The following GSE1 variants were observed in gnomAD, a reference collection of about 807,000 sequenced individuals.
GSE1 encodes genetic suppressor element 1.
In GSE1, 32 loss-of-function variants were observed where a neutral mutation model predicts 112.6. The ratio of observed to expected loss-of-function variants is 0.28; its 90% CI spans 0.21 to 0.38. The LOEUF (loss-of-function observed/expected upper bound fraction) is 0.38, where lower values mean the gene tolerates loss of function less well. GSE1 is among the 10% of genes least tolerant of loss of function. GSE1 has a pLI of 1.00. For missense variants in GSE1, 2,348 were observed against 1,699.2 expected (o/e 1.38, Z -6.71); for synonymous variants, 1,115 against 735.6 (o/e 1.52, Z -8.35).
chr16:85,654,759 C>A, intron 4 of GSE1, 35 bp from the exon 5 acceptor site: 2 of 1,401,120 alleles, frequency 1.4e-6, no homozygotes, highest in South Asian at 1.2e-5. Flanking sequence ...TGTGCACTCA[C>A]CTGTCCCCAC....
Position 85,331,702 on chromosome 16 carries a change from TATA to T in GSE1, c.2284-25760_2284-25758del, listed in dbSNP as rs1242627422. ...GTGTGTGTGTATATATATATATATA[TATA>T]TATTTTTTTTTTTTTTTTTTTTAGT... On this transcript the variant is annotated intron_variant, in intron 1 of 2. Transcript: ENST00000637419. Among the ~76,000 whole-genome samples the T allele has an allele frequency of 4.6e-3, 245 of 53,332 alleles. 14 individuals are homozygous for T. The highest frequency in any genetic ancestry group is 0.012 in the African/African-American group (194 of 15,972). 35.0% of individuals were successfully genotyped at this position (53,332 alleles called of 152,430 possible). A position where few individuals can be genotyped will look rare whatever the true frequency, so the allele number is the denominator to read the frequency against.
intron 2 of GSE1, among the ~76,000 whole-genome samples, chr16:85,422,083 C>T (rs1056642390): frequency 1.3e-5 from 2 of 152,164 alleles, no homozygotes; most frequent in Admixed American, 6.5e-5. Context: ...AAAAGCTGCA[C>T]CTCTGACCCA....
chr16:85,517,854 C>T (rs1309478197), intron 2 of GSE1, among the ~76,000 whole-genome samples: 2 of 152,270 alleles, frequency 1.3e-5, no homozygotes, highest in South Asian at 2.1e-4. Context: ...TGAAGAACGA[C>T]AAGCGGAGCC....
intron 1 of GSE1, among the ~76,000 whole-genome samples, chr16:85,192,722 C>T (rs532361400): frequency 2.5e-4 from 38 of 152,300 alleles, no homozygotes; most frequent in Non-Finnish European, 4.4e-4. Flanking sequence ...TGGCAGAGGG[C>T]GTGAGATCAG....
chr16:85,318,728 C>A (rs1463182798), intron 1 of GSE1, among the ~76,000 whole-genome samples: 1 of 152,228 alleles, frequency 6.6e-6, no homozygotes, highest in African/African-American at 2.4e-5. Flanking sequence ...GCTGCTTGGG[C>A]AGACTCCAGA....
intron 2 of GSE1, among the ~76,000 whole-genome samples, chr16:85,441,339 C>T (rs2049371422): frequency 2.0e-5 from 3 of 152,164 alleles, no homozygotes; most frequent in Non-Finnish European, 2.9e-5. Flanking sequence ...TTGAGAATCA[C>T]GGGGTTAAGG....
At chr16:85,186,807 A>T (rs1459227105) in intron 1 of GSE1, among the ~76,000 whole-genome samples, 2 of 152,182 alleles carry the variant, frequency 1.3e-5, no homozygotes, top group East Asian at 3.9e-4. Context: ...CTGAGTCTTC[A>T]AATCAGTGAA....
intron 2 of GSE1, among the ~76,000 whole-genome samples, chr16:85,524,730 G>A (rs1356094745): frequency 1.3e-5 from 2 of 152,276 alleles, no homozygotes; most frequent in Admixed American, 1.3e-4. Context: ...GGGCACCGGG[G>A]CCAGTCAACT....
intron 1 of GSE1, among the ~76,000 whole-genome samples, chr16:85,195,844 TAAAAC>T (rs1195878098): frequency 1.3e-5 from 2 of 152,062 alleles, no homozygotes; most frequent in African/African-American, 4.8e-5. Context: ...AGTTAAAAAA[TAAAAC>T]AAATCAAAGC....
chr16:85,633,867 C>A (rs542526858), intron 1 of GSE1, 47 bp from the exon 2 acceptor site: 1 of 1,477,444 alleles, frequency 6.8e-7, no homozygotes, highest in Non-Finnish European at 9.4e-7. Context: ...TGGTGCTGGG[C>A]GCTCCTGCTC....
rs372487322 is a variant in GSE1, at chr16:85,654,487, G to A, written c.599+37G>A. The A allele has an allele frequency of 6.8e-4, 1,046 of 1,530,486 alleles. 20 individuals carry two copies. The South Asian group carries it at 0.01, about 15-fold the overall frequency. 94.8% of individuals were successfully genotyped at this position (1,530,486 alleles called of 1,614,324 possible). A position where few individuals can be genotyped will look rare whatever the true frequency, so the allele number is the denominator to read the frequency against. Reference sequence around the variant, plus strand: ...GGCGGGGACTTCGGTGAGGTGGCCAGGTGGGGACACAGTGCTCAGGGTCTG... The same window carrying A: ...GGCGGGGACTTCGGTGAGGTGGCCAAGTGGGGACACAGTGCTCAGGGTCTG... On this transcript the variant is annotated intron_variant, in intron 4 of 15. Transcript: ENST00000253458.
rs2051091865 is a variant in GSE1 at position 85,648,765 on chromosome 16, G to A, written c.426+14G>A. ...GAGAGCCGGCAGGTGAGTGGGGCGG[G>A]GCAGGGAGCCTAGCGTCCTCTAAGT... On this transcript the variant is annotated intron_variant, in intron 3 of 15. Coordinates refer to ENST00000253458, the MANE Select transcript of GSE1 (RefSeq NM_014615.5). 3 of 1,531,334 alleles carry A rather than the reference G, an allele frequency of 2.0e-6. No homozygotes were observed. Among genetic ancestry groups the A allele is most frequent in the East Asian group, 2.4e-5 (1 of 40,900 alleles). 94.9% of individuals were successfully genotyped at this position (1,531,334 alleles called of 1,614,324 possible). A position where few individuals can be genotyped will look rare whatever the true frequency, so the allele number is the denominator to read the frequency against.
At position 85,207,329 on chromosome 16, in the gene GSE1, C is replaced by G. The variant is rs534974470; in HGVS notation, c.2283+35522C>G. Among the ~76,000 whole-genome samples the G allele has an allele frequency of 5.6e-3, 860 of 152,358 alleles. 7 individuals are homozygous for G. The highest frequency in any genetic ancestry group is 0.02 in the African/African-American group (834 of 41,582). On this transcript the variant is annotated intron_variant, in intron 1 of 2. Transcript: ENST00000637419. ...TTCCAACTGGGAAGGTCTTCAGGGC[C>G]GGCTCTGCTGTGCTGCACTGGGGGC...
rs142370352 is a variant in GSE1, at chr16:85,599,123, AC to A, written c.37+42763del. 6.2e-3 allele frequency among the ~76,000 whole-genome samples: 945 copies of A among 152,314 alleles called. 14 individuals carry two copies. The highest frequency in any genetic ancestry group is 0.02 in the African/African-American group (830 of 41,560). ...TGAATAATGTTGACTTACACTGGGG[AC>A]CCAATTCTCTCTGAATAAAATTCCC... On this transcript the variant is annotated intron_variant, in intron 1 of 2. Transcript: ENST00000635906.
chr16:85,350,212 C>T (rs2046826183), intron 1 of GSE1, among the ~76,000 whole-genome samples: 1 of 152,172 alleles, frequency 6.6e-6, no homozygotes, highest in Non-Finnish European at 1.5e-5. Flanking sequence ...CAGCTGAGAG[C>T]CAGAGCAGTT....
intron 2 of GSE1, among the ~76,000 whole-genome samples, chr16:85,478,702 C>G (rs979293376): frequency 4.0e-5 from 6 of 151,378 alleles, no homozygotes; most frequent in Non-Finnish European, 5.9e-5. Context: ...GAGTCTGGCT[C>G]TGTCGCCCAG....
intron 1 of GSE1, among the ~76,000 whole-genome samples, chr16:85,582,648 G>T (rs1362261067): frequency 1.3e-5 from 2 of 152,160 alleles, no homozygotes; most frequent in Admixed American, 1.3e-4. Context: ...GCCGCCTGGG[G>T]TGCCTGGAGC....
chr16:85,455,578 C>A (rs1289475950), intron 2 of GSE1, among the ~76,000 whole-genome samples: 12 of 152,194 alleles, frequency 7.9e-5, no homozygotes, highest in Admixed American at 7.8e-4. Context: ...AGCCTCTGCT[C>A]ATTTGGGGGA....
intron 1 of GSE1, among the ~76,000 whole-genome samples, chr16:85,341,836 G>A (rs2151541055): frequency 6.6e-6 from 1 of 152,026 alleles, no homozygotes; most frequent in East Asian, 1.9e-4. Flanking sequence ...GTTTCAGATG[G>A]GCATCAGGCT....
Sources: gnomAD v4.1 joint callset for allele counts (sites outside exome capture counted in the v4.1 genomes callset) on GRCh38, gnomAD v4.1.1 for gene constraint, MANE v1.5 for transcripts, NCBI Gene and HGNC (gene_info 2026-07-23, HGNC 2026-07-21) for gene names.